HBS1L: variants seen among roughly 807,000 people sequenced by gnomAD.
HBS1L encodes HBS1-like protein.
HBS1L carries 55 observed loss-of-function variants against 88.9 expected under a neutral mutation model. That is an observed-to-expected ratio of 0.62 (90% CI 0.50 to 0.77). The LOEUF (loss-of-function observed/expected upper bound fraction) is 0.77. HBS1L is among the 30% of genes least tolerant of loss of function. The probability of loss-of-function intolerance (pLI) is 0.00; values close to 1 mark genes in which losing one functional copy is unlikely to be tolerated. For missense variants in HBS1L, 741 were observed against 829.3 expected, an observed-to-expected ratio of 0.89 and a Z score of 1.31; for synonymous variants, 267 against 288.5, an observed-to-expected ratio of 0.93 and a Z score of 0.76.
intron 4 of HBS1L, chr6:135,037,905 G>GT (rs1562312332): frequency 9.7e-6 from 15 of 1,550,910 alleles, no homozygotes; most frequent in Non-Finnish European, 1.3e-5. Context: ...GAGATAATCC[G>GT]TATTTTCCTA....
rs1418853857 is a variant in HBS1L at position 134,966,380 on chromosome 6, C to A, written c.1992G>T (p.Arg664Ser). The A allele has an allele frequency of 1.9e-6, 3 of 1,613,166 alleles. No individual in the cohort carries two copies. The highest frequency in any genetic ancestry group is 1.1e-5 in the South Asian group (1 of 90,968). Reference protein sequence around the residue: ...ELYKDFKELGRFMLRYGGSTI... With the variant: ...ELYKDFKELGSFMLRYGGSTI... ...TAGAACCACCGTAACGTAGCATGAA[C>A]CTCCCCAGCTCTTTAAAGTCTTTAT... The change falls in exon 17 of 18, where the codon AGG (arginine) becomes AGT (serine). Residue 664 changes from arginine (R) to serine (S), a missense_variant. Around this residue, in one of 3 missense-constraint regions of HBS1L, gnomAD observed 181 missense variants for 212.7 expected, o/e 0.85. Transcript: ENST00000367837.
At chr6:135,012,641 C>A (rs1383096455) in intron 4 of HBS1L, among the ~76,000 whole-genome samples, 2 of 152,066 alleles carry the variant, frequency 1.3e-5, no homozygotes, top group South Asian at 2.1e-4. Context: ...CCGCAATTTA[C>A]CCCTCAAGAT....
chr6:135,035,350 TGA>T (rs970281444), intron 4 of HBS1L, among the ~76,000 whole-genome samples: 4 of 151,846 alleles, frequency 2.6e-5, no homozygotes, highest in Admixed American at 2.0e-4. Flanking sequence ...CTCAGGAGGC[TGA>T]GTCAGGAGAA....
At chr6:135,052,583 TAAA>T (rs55725857) in intron 1 of HBS1L, among the ~76,000 whole-genome samples, 20 of 137,840 alleles carry the variant, frequency 1.5e-4, no homozygotes, top group Admixed American at 2.2e-4. Context: ...TCCTGTCTCT[TAAA>T]AAAAAAAAAA....
intron 2 of HBS1L, among the ~76,000 whole-genome samples, chr6:135,043,256 T>C (rs1462595641): frequency 6.6e-6 from 1 of 152,188 alleles, no homozygotes; most frequent in Non-Finnish European, 1.5e-5. Flanking sequence ...TTAAAGAATA[T>C]GTTAAGAAGG....
intron 8 of HBS1L, among the ~76,000 whole-genome samples, chr6:134,991,585 A>G (rs9399132): frequency 0.14 from 21,663 of 152,264 alleles, 1,742 homozygotes; most frequent in East Asian, 0.27. Context: ...TATCTGGTCC[A>G]CATTAGGTAC....
chr6:134,966,412 C>G lies in HBS1L; in HGVS notation c.1960G>C (p.Glu654Gln). The G allele has an allele frequency of 3.1e-6, 5 of 1,612,076 alleles. No homozygotes were observed. The highest frequency in any genetic ancestry group is 1.7e-5 in the Admixed American group (1 of 59,972). ...AGCTCTTTAAAGTCTTTATATAGCTCAAGAGCTATTGGTCTTTGTGTCTGT... is the reference window on the plus strand; with the variant it reads ...AGCTCTTTAAAGTCTTTATATAGCTGAAGAGCTATTGGTCTTTGTGTCTGT... ...ELQTQRPIAL[E>Q]LYKDFKELGR... Residue 654 changes from glutamate to glutamine, a missense_variant, in exon 17 of 18, where the codon GAG becomes CAG. Glu to Gln is a conservative substitution (Grantham distance 29). Coordinates refer to ENST00000367837, the MANE Select transcript of HBS1L (RefSeq NM_006620.4).
rs1406010166 is a variant in HBS1L at position 134,982,451 on chromosome 6, T to A, written c.1597+7A>T. Reference sequence around the variant, plus strand: ...TTGTTTAGCAAAAGCATCTTGCAGATAAATACCTTTCACGGTACAAGTTTC... The same window carrying A: ...TTGTTTAGCAAAAGCATCTTGCAGAAAAATACCTTTCACGGTACAAGTTTC... On this transcript the variant is annotated splice_region_variant and intron_variant, in intron 13 of 17. Transcript: ENST00000367837. 1 of 1,563,548 alleles carries A rather than the reference T, an allele frequency of 6.4e-7. No individual in the cohort carries two copies.
At chr6:135,026,770 T>C (rs1229330762) in intron 4 of HBS1L, 3 of 151,934 alleles carry the variant, frequency 2.0e-5, no homozygotes, top group Non-Finnish European at 4.4e-5. Context: ...AGAAAGTTCA[T>C]GTATCTTTAT....
intron 15 of HBS1L, among the ~76,000 whole-genome samples, chr6:134,969,911 C>T (rs189184635): frequency 6.6e-6 from 1 of 152,028 alleles, no homozygotes; most frequent in Non-Finnish European, 1.5e-5. Flanking sequence ...ATCATATTCA[C>T]AGTAATTAAT....
At chr6:135,018,305 T>C (rs1476609589) in intron 4 of HBS1L, among the ~76,000 whole-genome samples, 10 of 152,180 alleles carry the variant, frequency 6.6e-5, no homozygotes, top group Middle Eastern at 3.4e-3. Flanking sequence ...CTGTGATTTA[T>C]TTGTTATGAA....
chr6:134,967,910 T>C (rs1317832044), intron 16 of HBS1L, among the ~76,000 whole-genome samples: 2 of 152,180 alleles, frequency 1.3e-5, no homozygotes, highest in Non-Finnish European at 2.9e-5. Flanking sequence ...ATCGTGTTTC[T>C]CAGAACATTA....
chr6:135,022,884 G>A (rs1312863858), intron 4 of HBS1L, among the ~76,000 whole-genome samples: 1 of 149,460 alleles, frequency 6.7e-6, no homozygotes, highest in African/African-American at 2.5e-5. Flanking sequence ...TTATTTCCAG[G>A]ATAAGGATAA....
chr6:135,027,187 C>CAAAAAAAAAAAAAAAA (rs71006749), intron 4 of HBS1L: 84 of 56,276 alleles, frequency 1.5e-3, no homozygotes, highest in African/African-American at 3.5e-3. Flanking sequence ...GACTCTATCT[C>CAAAAAAAAAAAAAAAA]AAAAAAAAAA....
At chr6:134,979,042 T>G in intron 14 of HBS1L, 136 bp downstream of exon 14, 3 of 662,638 alleles carry the variant, frequency 4.5e-6, no homozygotes, top group Non-Finnish European at 8.1e-6. Flanking sequence ...TTAAGTAAGT[T>G]TGCTTACATT....
chr6:134,973,232 T>A (rs1174784403), intron 15 of HBS1L, among the ~76,000 whole-genome samples: 1 of 152,188 alleles, frequency 6.6e-6, no homozygotes, highest in South Asian at 2.1e-4. Flanking sequence ...TAAAAGGTGG[T>A]ATATACATGC....
At chr6:135,043,352 T>C (rs983624134) in intron 2 of HBS1L, among the ~76,000 whole-genome samples, 1 of 152,240 alleles carries the variant, frequency 6.6e-6, no homozygotes, top group South Asian at 2.1e-4. Context: ...ACATGTTAAG[T>C]TCATTGACTT....
At chr6:134,965,594 G>C (rs1290840827) in intron 17 of HBS1L, among the ~76,000 whole-genome samples, 1 of 152,154 alleles carries the variant, frequency 6.6e-6, no homozygotes, top group Admixed American at 6.5e-5. Flanking sequence ...TTTATGTGCT[G>C]AGTGCTTTGC....
intron 4 of HBS1L, among the ~76,000 whole-genome samples, chr6:135,008,473 A>G (rs1775674479): frequency 6.6e-6 from 1 of 152,180 alleles, no homozygotes; most frequent in Non-Finnish European, 1.5e-5. Context: ...CTCCATCCCC[A>G]TAATTAGAAA....
Sources: gnomAD v4.1 joint callset for allele counts (sites outside exome capture counted in the v4.1 genomes callset) on GRCh38, gnomAD v4.1.1 for gene constraint, gnomAD v4.1.1 regional missense constraint, MANE v1.5 for transcripts, NCBI Gene and HGNC (gene_info 2026-07-23, HGNC 2026-07-21) for gene names.